Variants in MAD2L2 observed in about 807,000 individuals in gnomAD.
MAD2L2 encodes the protein mitotic spindle assembly checkpoint protein MAD2B.
In MAD2L2, 17 loss-of-function variants were observed where a neutral mutation model predicts 30.5. The ratio of observed to expected loss-of-function variants is 0.56; its 90% CI spans 0.38 to 0.84. MAD2L2 has a LOEUF of 0.84. MAD2L2 is among the 40% of genes least tolerant of loss of function. MAD2L2 has a pLI of 0.00. For synonymous variants in MAD2L2, 101 were observed against 113.9 expected (o/e 0.89, Z 0.72); for missense variants, 213 against 277.4 (o/e 0.77, Z 1.65).
In MAD2L2 at chr1:11,677,333, C is replaced by A; in HGVS notation, c.231+210G>T. 4 of 610,376 alleles carry A rather than the reference C, an allele frequency of 6.6e-6. No homozygotes were observed. In the South Asian group the frequency reaches 8.3e-5, roughly 13 times the overall value. 37.8% of individuals were successfully genotyped at this position (610,376 alleles called of 1,614,324 possible). A position where few individuals can be genotyped will look rare whatever the true frequency, so the allele number is the denominator to read the frequency against. ...GCCAGCTCCAACCCGGGCTCCCAGG[C>A]CCAAGGCACCCTGAACATGGCCCGC... On this transcript the variant is annotated intron_variant, in intron 4 of 8. Coordinates refer to ENST00000376692, the MANE Select transcript of MAD2L2 (RefSeq NM_006341.4).
intron 1 of MAD2L2, 152 bp downstream of exon 1, chr1:11,680,887 C>T: frequency 1.2e-6 from 1 of 800,446 alleles, no homozygotes; most frequent in Non-Finnish European, 1.6e-6. Context: ...AGGGCAGGGC[C>T]GCGGACGCAG....
At chr1:11,679,972 C>T (rs1338541438) in intron 3 of MAD2L2, among the ~76,000 whole-genome samples, 5 of 148,244 alleles carry the variant, frequency 3.4e-5, no homozygotes, top group African/African-American at 1.0e-4. Flanking sequence ...TGGCTTGGCC[C>T]GAAGTGGAAG....
Position 11,687,494 on chromosome 1 carries a change from C to A in MAD2L2, c.-692+3919G>T, listed in dbSNP as rs1640980071. ...ACCTCAGGTGACCCACCTACCTTGG[C>A]CTCCCAAAGTGTTGGGATGACAGGC... is the stretch of plus-strand genomic sequence containing the variant. On this transcript the variant is annotated intron_variant, in intron 1 of 10. Coordinates refer to the MAD2L2 transcript ENST00000235310. This position sits in a 1 kb window ranked among gnomAD's most constrained non-coding sequence, Gnocchi z 4.1. Among the ~76,000 whole-genome samples the A allele has an allele frequency of 6.6e-6, 1 of 152,232 alleles. No homozygotes were observed. Among genetic ancestry groups the A allele is most frequent in the Admixed American group, 6.5e-5 (1 of 15,278 alleles).
At chr1:11,677,710 C>A (rs2233017) in intron 3 of MAD2L2, 96 bp from the exon 4 acceptor site, 6 of 981,546 alleles carry the variant, frequency 6.1e-6, no homozygotes, top group South Asian at 1.4e-5. Context: ...GCCTTCGGTC[C>A]GAGGCCCAGC....
At chr1:11,680,332 T>C (rs560833223) in intron 3 of MAD2L2, 21 bp downstream of exon 3, 2 of 1,594,288 alleles carry the variant, frequency 1.3e-6, no homozygotes, top group East Asian at 4.5e-5. Context: ...ACCCACTCTG[T>C]GGTTCTGGGA....
Position 11,674,701 on chromosome 1 carries a change from C to A in MAD2L2, c.*74G>T. On this transcript the variant is annotated 3_prime_UTR_variant, in exon 9 of 9. Coordinates refer to ENST00000376692, the MANE Select transcript of MAD2L2 (RefSeq NM_006341.4). This position sits in a 1 kb window ranked among gnomAD's most constrained non-coding sequence, Gnocchi z 6.1. ...TAAGAGCACTTGGAATCAGGGCAGCCATGCAGCACTGCCCTAGGCGGGGAT... is the reference window on the plus strand; with the variant it reads ...TAAGAGCACTTGGAATCAGGGCAGCAATGCAGCACTGCCCTAGGCGGGGAT... 1 of 1,452,690 alleles carries A rather than the reference C, an allele frequency of 6.9e-7. No individual in the cohort carries two copies. The highest frequency in any genetic ancestry group is 1.2e-5 in the South Asian group (1 of 86,314). 90.0% of individuals were successfully genotyped at this position (1,452,690 alleles called of 1,614,324 possible).
At chr1:11,686,599 C>T (rs1640959353) in intron 1 of MAD2L2, among the ~76,000 whole-genome samples, 1 of 152,102 alleles carries the variant, frequency 6.6e-6, no homozygotes. Flanking sequence ...GACGGGGTTT[C>T]GCCATGTTGG....
chr1:11,680,327 C>T (rs1640848886), intron 3 of MAD2L2, 26 bp downstream of exon 3: 3 of 1,587,420 alleles, frequency 1.9e-6, no homozygotes, highest in South Asian at 2.2e-5. Flanking sequence ...CCTGTACCCA[C>T]TCTGTGGTTC....
chr1:11,674,653 G>A lies in MAD2L2; in HGVS notation c.*122C>T, dbSNP rs538577512. The A allele has an allele frequency of 7.6e-5, 81 of 1,064,076 alleles. No homozygotes were observed. The highest frequency in any genetic ancestry group is 5.9e-4 in the African/African-American group (38 of 64,274). 65.9% of individuals were successfully genotyped at this position (1,064,076 alleles called of 1,614,324 possible). A position where few individuals can be genotyped will look rare whatever the true frequency, so the allele number is the denominator to read the frequency against. ...GACCTGAGCGGCCCCGGGCTGGGGC[G>A]GGCGATCCACACACAGAGGCGATAA... On this transcript the variant is annotated 3_prime_UTR_variant, in exon 9 of 9. Transcript: ENST00000376692. The surrounding 1 kb of genome is among the most constrained non-coding windows in gnomAD (Gnocchi z 6.1).
At chr1:11,683,265 C>A (rs1640905845), upstream of MAD2L2, among the ~76,000 whole-genome samples, 2 of 152,216 alleles carry the variant, frequency 1.3e-5, no homozygotes, top group East Asian at 3.9e-4. Context: ...ACGAGCCACC[C>A]GTAGAACTCC....
upstream of MAD2L2, chr1:11,681,368 A>C (rs1328767391): frequency 1.3e-5 from 2 of 152,210 alleles, no homozygotes; most frequent in African/African-American, 4.8e-5. Flanking sequence ...GTTGATCTCC[A>C]CGTTCCATTG....
upstream of MAD2L2, among the ~76,000 whole-genome samples, chr1:11,685,551 T>A (rs191540374): frequency 6.6e-6 from 1 of 152,362 alleles, no homozygotes; most frequent in Non-Finnish European, 1.5e-5. Context: ...GAGGCCCTTC[T>A]TTCTCTGAAC....
chr1:11,676,104 G>C lies in MAD2L2; in HGVS notation c.369C>G (p.Leu123=), dbSNP rs1483509629. Residue 123 remains leucine, a synonymous_variant, in exon 6 of 9, where the codon CTC becomes CTG. Transcript: ENST00000376692. ...DSLLSHVEQL[L]RAFILKISVC... is the part of the protein sequence containing the mutation. ...CGCTGATCTTCAGGATGAAGGCCCGGAGCAGCTGCTCCACATGAGACAACA... is the reference window on the plus strand; with the variant it reads ...CGCTGATCTTCAGGATGAAGGCCCGCAGCAGCTGCTCCACATGAGACAACA... The C allele has an allele frequency of 1.9e-6, 3 of 1,611,042 alleles. No homozygotes were observed.
Position 11,677,629 on chromosome 1 carries a change from A to G in MAD2L2, c.160-15T>C. ...TGGCAGGACATCTGCACACAATACC[A>G]TGCGGCTCGTGAGGCCCAAAGCACA... is the stretch of plus-strand genomic sequence containing the variant. On this transcript the variant is annotated splice_polypyrimidine_tract_variant and intron_variant, in intron 3 of 8. Coordinates refer to ENST00000376692, the MANE Select transcript of MAD2L2 (RefSeq NM_006341.4). 1.9e-6 allele frequency: 3 copies of G among 1,609,414 alleles called. No individual in the cohort carries two copies. Among genetic ancestry groups the G allele is most frequent in the Non-Finnish European group, 2.5e-6 (3 of 1,178,616 alleles).
chr1:11,675,890 A>T, intron 6 of MAD2L2, 156 bp downstream of exon 6: 1 of 878,238 alleles, frequency 1.1e-6, no homozygotes, highest in Non-Finnish European at 1.9e-6. Context: ...GATGGAAGCC[A>T]GGTAGAATCA....
chr1:11,676,733 C>T lies in MAD2L2; in HGVS notation c.332+115G>A, dbSNP rs1417467588. The T allele has an allele frequency of 1.1e-5, 9 of 786,152 alleles. No homozygotes were observed. In the East Asian group the frequency reaches 2.4e-4, roughly 21 times the overall value. The allele number at this position is 786,152 out of a possible 1,614,324, so 48.7% of individuals were successfully genotyped here. ...CCCCTTGTCATGCTGGTGCTTCTTGCCCTTTCTCCTCCCAGGCCTTTACCA... is the reference window on the plus strand; with the variant it reads ...CCCCTTGTCATGCTGGTGCTTCTTGTCCTTTCTCCTCCCAGGCCTTTACCA... On this transcript the variant is annotated intron_variant, in intron 5 of 8. Coordinates refer to ENST00000376692, the MANE Select transcript of MAD2L2 (RefSeq NM_006341.4).
At position 11,680,343 on chromosome 1, in the gene MAD2L2, C is replaced by T. The variant is rs1487049948; in HGVS notation, c.159+10G>A. 1.2e-6 allele frequency: 2 copies of T among 1,608,596 alleles called. No individual in the cohort carries two copies. Among genetic ancestry groups the T allele is most frequent in the African/African-American group, 1.3e-5 (1 of 74,784 alleles). On this transcript the variant is annotated intron_variant, in intron 3 of 8. Coordinates refer to ENST00000376692, the MANE Select transcript of MAD2L2 (RefSeq NM_006341.4). ...CTGTACCCACTCTGTGGTTCTGGGA[C>T]GTGCCTCACCTGGACCGGCACGTTG...
chr1:11,682,325 C>G (rs1160852501), upstream of MAD2L2, among the ~76,000 whole-genome samples: 1 of 152,166 alleles, frequency 6.6e-6, no homozygotes, highest in African/African-American at 2.4e-5. Context: ...GACCAGAAGC[C>G]AAGAGGACTT....
chr1:11,686,817 A>AAC (rs1640965268), intron 1 of MAD2L2, among the ~76,000 whole-genome samples: 1 of 151,786 alleles, frequency 6.6e-6, no homozygotes, highest in Admixed American at 6.6e-5. Context: ...TAAAAAAAAA[A>AAC]AAAAAAAAAA....
Sources: gnomAD v4.1 joint callset for allele counts (sites outside exome capture counted in the v4.1 genomes callset) on GRCh38, gnomAD v4.1.1 for gene constraint, Gnocchi (gnomAD v3.1) non-coding constraint, MANE v1.5 for transcripts, NCBI Gene and HGNC (gene_info 2026-07-23, HGNC 2026-07-21) for gene names.